The following CHN1 variants were observed in gnomAD, a reference collection of about 807,000 sequenced individuals.
CHN1 encodes the protein chimerin 1.
Under a neutral mutation model 59.5 loss-of-function variants are expected in CHN1, and 37 were observed. That is an observed-to-expected ratio of 0.62 (90% CI 0.48 to 0.82). The LOEUF (loss-of-function observed/expected upper bound fraction) is 0.82. CHN1 is among the 40% of genes least tolerant of loss of function. The pLI is 0.00. For synonymous variants in CHN1, 206 were observed against 200.4 expected, an observed-to-expected ratio of 1.03 and a Z score of -0.24; for missense variants, 469 against 571.0, an observed-to-expected ratio of 0.82 and a Z score of 1.82.
intron 7 of CHN1, among the ~76,000 whole-genome samples, chr2:174,827,072 A>G (rs1685711000): frequency 6.6e-6 from 1 of 152,136 alleles, no homozygotes; most frequent in South Asian, 2.1e-4. Context: ...TCCCTTTTGA[A>G]TTTTTATATC....
intron 6 of CHN1, among the ~76,000 whole-genome samples, chr2:174,876,630 A>G (rs1420822709): frequency 6.6e-6 from 1 of 152,246 alleles, no homozygotes; most frequent in Non-Finnish European, 1.5e-5. Context: ...TTTTCTCCGT[A>G]GCAACAAAAT....
At chr2:174,854,486 T>G (rs1240179848) in intron 6 of CHN1, among the ~76,000 whole-genome samples, 1 of 152,176 alleles carries the variant, frequency 6.6e-6, no homozygotes, top group Non-Finnish European at 1.5e-5. Flanking sequence ...AATACTGGAT[T>G]TGCATTGAGC....
At chr2:174,822,119 T>A (rs1685518381) in intron 8 of CHN1, among the ~76,000 whole-genome samples, 1 of 152,234 alleles carries the variant, frequency 6.6e-6, no homozygotes, top group East Asian at 1.9e-4. Flanking sequence ...GAAAACAGAA[T>A]GAATTCAAAT....
chr2:174,870,704 G>T (rs1164778885), intron 6 of CHN1, among the ~76,000 whole-genome samples: 1 of 152,202 alleles, frequency 6.6e-6, no homozygotes, highest in African/African-American at 2.4e-5. Flanking sequence ...TAAGCTACCA[G>T]AGTTGATTCC....
chr2:174,817,839 G>T (rs1017705080), intron 8 of CHN1, among the ~76,000 whole-genome samples: 1 of 151,964 alleles, frequency 6.6e-6, no homozygotes, highest in Non-Finnish European at 1.5e-5. Context: ...GAGTTTCACC[G>T]TGTTAGCCAG....
intron 5 of CHN1, among the ~76,000 whole-genome samples, chr2:174,888,520 C>T (rs1183831228): frequency 6.6e-6 from 1 of 152,128 alleles, no homozygotes; most frequent in East Asian, 1.9e-4. Flanking sequence ...AACAAACATT[C>T]AGTGCATTTA....
chr2:174,980,275 CCTTG>C (rs1042201941), intron 1 of CHN1, among the ~76,000 whole-genome samples: 1 of 152,114 alleles, frequency 6.6e-6, no homozygotes, highest in Non-Finnish European at 1.5e-5. Flanking sequence ...TGTTTGGTTT[CCTTG>C]CTTGTTTACT....
intron 1 of CHN1, among the ~76,000 whole-genome samples, chr2:174,996,477 T>G (rs1420704004): frequency 6.6e-6 from 1 of 152,184 alleles, no homozygotes; most frequent in African/African-American, 2.4e-5. Flanking sequence ...ACTAAGAACC[T>G]TATAAAATAA....
At chr2:174,967,631 A>G (rs1690635091) in intron 1 of CHN1, among the ~76,000 whole-genome samples, 1 of 152,224 alleles carries the variant, frequency 6.6e-6, no homozygotes, top group East Asian at 1.9e-4. Flanking sequence ...TTTACTTTTT[A>G]TAAGTACAAG....
intron 5 of CHN1, among the ~76,000 whole-genome samples, chr2:174,914,668 C>A (rs1288289216): frequency 6.6e-6 from 1 of 151,874 alleles, no homozygotes; most frequent in African/African-American, 2.4e-5. Flanking sequence ...CATGGTGAAA[C>A]CCCGTCTCTA....
At chr2:174,870,184 C>T (rs1687361093) in intron 6 of CHN1, among the ~76,000 whole-genome samples, 1 of 152,042 alleles carries the variant, frequency 6.6e-6, no homozygotes, top group Non-Finnish European at 1.5e-5. Context: ...ACTGACAAAC[C>T]ACAGTGAAAA....
rs1684670856 is a variant in CHN1 at position 174,800,116 on chromosome 2, TTAAAA to T, written c.1375_1379del (p.Phe459AsnfsTer3). On this transcript the variant is annotated frameshift_variant and stop_lost, in exon 13 of 13. Coordinates refer to ENST00000409900, the MANE Select transcript of CHN1 (RefSeq NM_001822.7). LOFTEE classifies it high-confidence loss of function. ...TTTCTTTTCCCCTCAAATTAAAAAT[TTAAAA>T]TAAAATGTCTTCGTTTTTGATAAGC... 1 of 1,561,822 alleles carries T rather than the reference TTAAAA, an allele frequency of 6.4e-7. No homozygotes were observed. The highest frequency in any genetic ancestry group is 8.7e-7 in the Non-Finnish European group (1 of 1,156,022).
intron 3 of CHN1, among the ~76,000 whole-genome samples, chr2:174,921,504 C>A (rs1689015186): frequency 6.6e-6 from 1 of 151,910 alleles, no homozygotes; most frequent in Non-Finnish European, 1.5e-5. Context: ...AATATGTGTT[C>A]ATTTTCATGT....
intron 8 of CHN1, among the ~76,000 whole-genome samples, chr2:174,820,176 A>G (rs1466157795): frequency 6.6e-6 from 1 of 152,140 alleles, no homozygotes; most frequent in Non-Finnish European, 1.5e-5. Flanking sequence ...TCCTTTGGGT[A>G]TATACCCAGT....
intron 5 of CHN1, among the ~76,000 whole-genome samples, chr2:174,900,234 C>T (rs957051347): frequency 1.3e-5 from 2 of 152,032 alleles, no homozygotes; most frequent in Non-Finnish European, 2.9e-5. Context: ...CTCACAACTA[C>T]AATCACAGCA....
chr2:174,818,714 G>C (rs556342098), intron 8 of CHN1, among the ~76,000 whole-genome samples: 1 of 151,748 alleles, frequency 6.6e-6, no homozygotes, highest in Non-Finnish European at 1.5e-5. Context: ...TATGAAAGGA[G>C]GAATAAAAAA....
At chr2:174,932,435 G>C (rs971968992) in intron 3 of CHN1, among the ~76,000 whole-genome samples, 4 of 152,170 alleles carry the variant, frequency 2.6e-5, no homozygotes, top group South Asian at 2.1e-4. Flanking sequence ...TCAAATTGAC[G>C]TAAGTATCTA....
At chr2:174,906,608 G>C (rs1469219176) in intron 5 of CHN1, among the ~76,000 whole-genome samples, 3 of 152,044 alleles carry the variant, frequency 2.0e-5, no homozygotes, top group Admixed American at 2.0e-4. Flanking sequence ...TGAAGAAACA[G>C]TTTTAAAAAA....
In CHN1 at chr2:174,812,511, T is replaced by G. The variant is rs761385486; in HGVS notation, c.713-29A>C. 5.6e-6 allele frequency: 9 copies of G among 1,610,040 alleles called. No homozygotes were observed. The East Asian group carries it at 1.8e-4, about 32-fold the overall frequency. On this transcript the variant is annotated intron_variant, in intron 8 of 12. Transcript: ENST00000409900. The stretch of plus-strand genomic sequence containing the variant: ...AGAAAAGAATAAAGAAAGGAAACAT[T>G]CAATATTATTTTCAGAGTTTTGAGC...
Sources: gnomAD v4.1 joint callset for allele counts (sites outside exome capture counted in the v4.1 genomes callset) on GRCh38, gnomAD v4.1.1 for gene constraint, MANE v1.5 for transcripts, NCBI Gene and HGNC (gene_info 2026-07-23, HGNC 2026-07-21) for gene names.